The following GNAQ variants were observed in gnomAD, a reference collection of about 807,000 sequenced individuals.
The protein encoded by GNAQ is G protein subunit alpha q.
GNAQ carries 8 observed loss-of-function variants against 43.9 expected under a neutral mutation model. The observed-to-expected ratio is 0.18, with a 90% CI of 0.11 to 0.33. The LOEUF is 0.33. Ranked by LOEUF, GNAQ falls within the 10% of genes least tolerant of loss-of-function variation. GNAQ has a pLI of 1.00. For missense variants in GNAQ, 158 were observed against 450.8 expected, an observed-to-expected ratio of 0.35 and a Z score of 5.88; for synonymous variants, 155 against 170.7, an observed-to-expected ratio of 0.91 and a Z score of 0.71.
intron 2 of GNAQ, among the ~76,000 whole-genome samples, chr9:77,821,869 T>TA (rs1432991118): frequency 6.6e-6 from 1 of 152,096 alleles, no homozygotes; most frequent in Admixed American, 6.6e-5. Flanking sequence ...AAGATATGCA[T>TA]ATTCATTAAA....
At chr9:77,756,803 T>C (rs925490557) in intron 5 of GNAQ, among the ~76,000 whole-genome samples, 3 of 152,260 alleles carry the variant, frequency 2.0e-5, no homozygotes, top group Admixed American at 1.3e-4. Flanking sequence ...GTTTCTGAAC[T>C]TCAGGTTTCC....
chr9:77,903,587 G>A (rs1297455517), intron 2 of GNAQ, among the ~76,000 whole-genome samples: 1 of 152,132 alleles, frequency 6.6e-6, no homozygotes. Flanking sequence ...TTCCAGGCAG[G>A]CTCTATCTGG....
intron 2 of GNAQ, among the ~76,000 whole-genome samples, chr9:77,863,975 C>A (rs1464052867): frequency 6.6e-6 from 1 of 152,148 alleles, no homozygotes; most frequent in Non-Finnish European, 1.5e-5. Context: ...CACAGCCAAA[C>A]CACATCACTG....
chr9:77,769,551 CA>C (rs1218270969), intron 5 of GNAQ, among the ~76,000 whole-genome samples: 2 of 152,050 alleles, frequency 1.3e-5, no homozygotes, highest in Non-Finnish European at 2.9e-5. Flanking sequence ...GGTAAGAATG[CA>C]CGTGTTTCTT....
At chr9:77,985,571 T>C (rs7867711) in intron 1 of GNAQ, among the ~76,000 whole-genome samples, 116,420 of 152,026 alleles carry the variant, frequency 0.77, 44,951 homozygotes, top group African/African-American at 0.84. Context: ...TAGATTAGTA[T>C]AATTTTTAAT....
intron 1 of GNAQ, among the ~76,000 whole-genome samples, chr9:77,969,759 T>A (rs962509155): frequency 6.6e-6 from 1 of 152,160 alleles, no homozygotes; most frequent in African/African-American, 2.4e-5. Flanking sequence ...TGTGAAGGCA[T>A]CAAATTCATA....
chr9:77,749,686 C>T (rs1305035491), intron 5 of GNAQ, among the ~76,000 whole-genome samples: 1 of 152,130 alleles, frequency 6.6e-6, no homozygotes, highest in African/African-American at 2.4e-5. Flanking sequence ...TGATAACAAT[C>T]CACAGTAAGA....
At chr9:77,960,843 T>C (rs888549634) in intron 1 of GNAQ, among the ~76,000 whole-genome samples, 2 of 152,182 alleles carry the variant, frequency 1.3e-5, no homozygotes, top group Admixed American at 6.5e-5. Context: ...TTACATCCTT[T>C]CCTGTATTTT....
intron 1 of GNAQ, among the ~76,000 whole-genome samples, chr9:78,023,868 AG>A (rs1053310177): frequency 2.9e-5 from 4 of 139,806 alleles, no homozygotes; most frequent in Non-Finnish European, 6.5e-5. Flanking sequence ...AGAGCCAAAA[AG>A]TCTGGCTAGA....
intron 2 of GNAQ, among the ~76,000 whole-genome samples, chr9:77,914,997 C>T (rs1828874145): frequency 6.6e-6 from 1 of 151,948 alleles, no homozygotes; most frequent in African/African-American, 2.4e-5. Flanking sequence ...GGATAAAGTT[C>T]AAGAAAGGCA....
intron 2 of GNAQ, among the ~76,000 whole-genome samples, chr9:77,838,619 T>G (rs116009052): frequency 1.4e-3 from 213 of 151,158 alleles, no homozygotes; most frequent in African/African-American, 4.9e-3. Flanking sequence ...GGTTTCACCA[T>G]GTTAGCTAGG....
intron 1 of GNAQ, among the ~76,000 whole-genome samples, chr9:77,956,548 C>T (rs1032058054): frequency 6.6e-6 from 1 of 152,172 alleles, no homozygotes; most frequent in Non-Finnish European, 1.5e-5. Context: ...TGGGGCACTG[C>T]AACCCTCTTG....
chr9:78,004,291 A>T (rs1394277489), intron 1 of GNAQ, among the ~76,000 whole-genome samples: 2 of 151,950 alleles, frequency 1.3e-5, no homozygotes, highest in Non-Finnish European at 2.9e-5. Flanking sequence ...AAAAAAAAAA[A>T]AAATTAATTA....
chr9:78,016,445 G>C (rs1385030549), intron 1 of GNAQ, among the ~76,000 whole-genome samples: 1 of 152,104 alleles, frequency 6.6e-6, no homozygotes, highest in African/African-American at 2.4e-5. Flanking sequence ...CAGCACTTTG[G>C]GAGGCCAAGG....
At position 78,027,417 on chromosome 9, in the gene GNAQ, T is replaced by C. The variant is rs1348732845; in HGVS notation, c.136+3683A>G. On this transcript the variant is annotated intron_variant, in intron 1 of 6. Transcript: ENST00000286548. ...TGTGCTTGAAGCTGGGATTTAATAG[T>C]GAGCAAAACAGACACAACCTCTACT... Among the ~76,000 whole-genome samples, 7 of 152,312 alleles carry C rather than the reference T, an allele frequency of 4.6e-5. No homozygotes were observed. The East Asian group carries it at 1.4e-3, about 29-fold the overall frequency.
In GNAQ at chr9:77,720,405, A is replaced by C. The variant is rs773812444; in HGVS notation, c.*918T>G. 53 of 233,496 alleles carry C rather than the reference A, an allele frequency of 2.3e-4. No individual in the cohort carries two copies. Among genetic ancestry groups the C allele is most frequent in the Non-Finnish European group, 3.9e-4 (46 of 117,998 alleles). 14.5% of individuals were successfully genotyped at this position (233,496 alleles called of 1,614,324 possible). A position where few individuals can be genotyped will look rare whatever the true frequency, so the allele number is the denominator to read the frequency against. On this transcript the variant is annotated 3_prime_UTR_variant, in exon 7 of 7. Transcript: ENST00000286548. The stretch of plus-strand genomic sequence containing the variant: ...AAAAGAAAGGAAAAGCTTGAACAAC[A>C]ACAACAAAAAAATTAAGAACAACCT...
intron 3 of GNAQ, among the ~76,000 whole-genome samples, chr9:77,806,666 A>G (rs1156746384): frequency 6.6e-6 from 1 of 152,298 alleles, no homozygotes; most frequent in East Asian, 1.9e-4. Flanking sequence ...GAACAGGCAG[A>G]ATAGGACAGA....
In GNAQ at chr9:77,993,003, A is replaced by G. The variant is rs1375510432; in HGVS notation, c.136+38097T>C. On this transcript the variant is annotated intron_variant, in intron 1 of 6. Transcript: ENST00000286548. The stretch of plus-strand genomic sequence containing the variant: ...AGGAATTAATTTTTATTATTTTTCT[A>G]TTGTAATATCAGAACATTCCCTATC... 4.6e-5 allele frequency among the ~76,000 whole-genome samples: 7 copies of G among 152,304 alleles called. No homozygotes were observed. The East Asian group carries it at 1.2e-3, about 25-fold the overall frequency.
intron 1 of GNAQ, among the ~76,000 whole-genome samples, chr9:77,960,575 CCG>C (rs1564163442): frequency 6.6e-6 from 1 of 152,122 alleles, no homozygotes; most frequent in Non-Finnish European, 1.5e-5. Context: ...GAAAGGCATG[CCG>C]CAGGGAGTCA....
Sources: allele counts gnomAD v4.1 joint callset (sites outside exome capture counted in the v4.1 genomes callset), GRCh38; gene constraint gnomAD v4.1.1; transcripts MANE v1.5; gene names NCBI Gene and HGNC (gene_info 2026-07-23, HGNC 2026-07-21).